BCORL1: variants seen among roughly 807,000 people sequenced by gnomAD.
The protein encoded by BCORL1 is BCL-6 corepressor-like protein 1.
A neutral mutation model predicts 87.6 loss-of-function variants in BCORL1; 7 were observed. That is an observed-to-expected ratio of 0.08 (90% confidence interval 0.05 to 0.15). The LOEUF is 0.15. Among genes scored for constraint, BCORL1 ranks in the 10% least tolerant of loss-of-function variants. The probability of loss-of-function intolerance (pLI) is 1.00; values close to 1 mark genes in which losing one functional copy is unlikely to be tolerated. For missense variants in BCORL1, 1,215 were observed against 1,499.7 expected (o/e 0.81, Z 3.13); for synonymous variants, 591 against 634.4 (o/e 0.93, Z 1.03).
Position 130,012,720 on chromosome X carries a change from T to C in BCORL1, c.177+52T>C, listed in dbSNP as rs776057249. 2.7e-6 allele frequency: 3 copies of C among 1,110,884 alleles called. No individual in the cohort carries two copies. In the South Asian group the frequency reaches 5.7e-5, roughly 21 times the overall value. The allele number at this position is 1,110,884 out of a possible 1,213,427, so 91.5% of individuals were successfully genotyped here. A position where few individuals can be genotyped will look rare whatever the true frequency, so the allele number is the denominator to read the frequency against. ...TGTCCACCAAAGGATGGAGCTGAGC[T>C]GCCTGGGAGGTGTGCCCAGCCTGCC... On this transcript the variant is annotated intron_variant, in intron 3 of 13. Transcript: ENST00000540052.
Position 130,058,032 on chromosome X carries a change from CA to C in BCORL1, c.*1898del, listed in dbSNP as rs1932492193. 1 of 110,841 alleles carries C rather than the reference CA, an allele frequency of 9.0e-6. No individual in the cohort carries two copies. The highest frequency in any genetic ancestry group is 9.6e-5 in the Admixed American group (1 of 10,364). The allele number at this position is 110,841 out of a possible 1,213,427, so 9.1% of individuals were successfully genotyped here. A position where few individuals can be genotyped will look rare whatever the true frequency, so the allele number is the denominator to read the frequency against. ...GCTGCCCTTTATGTTTCATTTTAAGCAACTGGCTGTGGAGTCAAAAACACTT... is the reference window on the plus strand; with the variant it reads ...GCTGCCCTTTATGTTTCATTTTAAGCACTGGCTGTGGAGTCAAAAACACTT... On this transcript the variant is annotated 3_prime_UTR_variant, in exon 14 of 14. Coordinates refer to ENST00000540052, the MANE Select transcript of BCORL1 (RefSeq NM_001379451.1).
chrX:130,026,575 G>C (rs952024815), intron 7 of BCORL1, among the ~76,000 whole-genome samples: 3 of 112,620 alleles, frequency 2.7e-5, no homozygotes, highest in Non-Finnish European at 5.6e-5. Flanking sequence ...ATGGCACCTG[G>C]TTTCCTAGCA....
chrX:130,051,795 G>A (rs151251642), intron 12 of BCORL1, 65 bp from the exon 13 acceptor site: 66 of 1,035,210 alleles, frequency 6.4e-5, no homozygotes, highest in African/African-American at 4.9e-4. Context: ...TCTGCTTAGC[G>A]CATTTCTTTT....
At chrX:130,045,268 A>G (rs1180497295) in intron 11 of BCORL1, among the ~76,000 whole-genome samples, 2 of 112,579 alleles carry the variant, frequency 1.8e-5, no homozygotes, top group Non-Finnish European at 3.8e-5. Flanking sequence ...GAAAGAATGT[A>G]GGGCTTACCC....
At chrX:129,995,825 C>T (rs948099153) in intron 1 of BCORL1, among the ~76,000 whole-genome samples, 4 of 111,850 alleles carry the variant, frequency 3.6e-5, no homozygotes, top group African/African-American at 1.3e-4. Flanking sequence ...ATGTTAGTCT[C>T]CTAACACATT....
At chrX:130,055,125 C>T (rs994025383) in intron 13 of BCORL1, among the ~76,000 whole-genome samples, 8 of 111,323 alleles carry the variant, frequency 7.2e-5, no homozygotes, top group Admixed American at 5.7e-4. Flanking sequence ...CGTTTCTTCC[C>T]GCATTAGTCA....
chrX:129,992,240 A>G (rs1488204026), intron 1 of BCORL1, among the ~76,000 whole-genome samples: 3 of 110,692 alleles, frequency 2.7e-5, no homozygotes, highest in African/African-American at 9.8e-5. Context: ...GTTCAAGACC[A>G]GCCTGGGCAA....
In BCORL1 at chrX:130,046,835, C is replaced by T. The variant is rs755144494; in HGVS notation, c.4841-3882C>T. On this transcript the variant is annotated intron_variant, in intron 11 of 13. Transcript: ENST00000540052. Reference sequence around the variant, plus strand: ...TGCTGGGATTACAGGTGTGAGCCACCGCGCCCAGCCTCCCAAACATTTTCA... The same window carrying T: ...TGCTGGGATTACAGGTGTGAGCCACTGCGCCCAGCCTCCCAAACATTTTCA... Among the ~76,000 whole-genome samples the T allele has an allele frequency of 9.9e-5, 11 of 110,894 alleles. 1 individual carries two copies. The highest frequency in any genetic ancestry group is 2.9e-4 in the African/African-American group (9 of 30,514).
At chrX:130,031,581 T>TGA (rs1435404865) in intron 8 of BCORL1, among the ~76,000 whole-genome samples, 1 of 111,786 alleles carries the variant, frequency 8.9e-6, no homozygotes, top group African/African-American at 3.3e-5. Flanking sequence ...ATCAGGAGTT[T>TGA]GAGACCAGCC....
chrX:130,055,123 C>T (rs756016273), intron 13 of BCORL1, among the ~76,000 whole-genome samples: 5 of 111,433 alleles, frequency 4.5e-5, no homozygotes, highest in Non-Finnish European at 9.4e-5. Flanking sequence ...AGCGTTTCTT[C>T]CCGCATTAGT....
intron 1 of BCORL1, among the ~76,000 whole-genome samples, chrX:129,987,876 C>T (rs763944691): frequency 3.6e-5 from 4 of 111,655 alleles, no homozygotes; most frequent in African/African-American, 6.5e-5. Flanking sequence ...TGAAGAAATT[C>T]GAGGTCAAGT....
Position 129,982,754 on chromosome X carries a change from G to A in BCORL1, c.-53G>A, listed in dbSNP as rs1024073569. 6 of 110,954 alleles carry A rather than the reference G, an allele frequency of 5.4e-5. No homozygotes were observed. Among genetic ancestry groups the A allele is most frequent in the African/African-American group, 1.6e-4 (5 of 30,351 alleles). The allele number at this position is 110,954 out of a possible 1,213,427, so 9.1% of individuals were successfully genotyped here. ...GACCGCCGCCGCCGCCGAGAGAGAG[G>A]AGAAGGAGGTCGGTGGCGATAAGGG... On this transcript the variant is annotated 5_prime_UTR_variant, in exon 1 of 14. Transcript: ENST00000540052.
chrX:130,000,981 C>T (rs988023372), intron 1 of BCORL1, among the ~76,000 whole-genome samples: 2 of 110,273 alleles, frequency 1.8e-5, no homozygotes, highest in Non-Finnish European at 3.8e-5. Flanking sequence ...GCCGTCACTT[C>T]AGTTCTTATC....
At chrX:130,052,475 G>A (rs1474372960) in intron 13 of BCORL1, among the ~76,000 whole-genome samples, 2 of 112,745 alleles carry the variant, frequency 1.8e-5, no homozygotes, top group Non-Finnish European at 3.7e-5. Context: ...TGTTAGTAGC[G>A]TGGTGCTGCC....
At chrX:130,040,987 C>T (rs1931271168) in intron 11 of BCORL1, among the ~76,000 whole-genome samples, 1 of 111,025 alleles carries the variant, frequency 9.0e-6, no homozygotes, top group Non-Finnish European at 1.9e-5. Context: ...CTGTGACCAC[C>T]TTAGTAAACA....
At chrX:130,051,624 G>A (rs1343748834) in intron 12 of BCORL1, among the ~76,000 whole-genome samples, 1 of 112,165 alleles carries the variant, frequency 8.9e-6, no homozygotes, top group Non-Finnish European at 1.9e-5. Context: ...AGGGGGGAGT[G>A]ATATAATAAA....
intron 2 of BCORL1, 105 bp downstream of exon 2, chrX:130,005,422 G>A: frequency 1.4e-6 from 1 of 723,305 alleles, no homozygotes; most frequent in Non-Finnish European, 2.1e-6. Context: ...CCCTGGGGAG[G>A]AGAAGACTCT....
chrX:130,034,228 C>A (rs1233495777), intron 8 of BCORL1, among the ~76,000 whole-genome samples: 2 of 111,934 alleles, frequency 1.8e-5, no homozygotes, highest in African/African-American at 6.5e-5. Flanking sequence ...GCTACAAACT[C>A]ATGGGAACCT....
intron 2 of BCORL1, among the ~76,000 whole-genome samples, 199 bp from the exon 3 acceptor site, chrX:130,012,379 C>A (rs755100854): frequency 4.5e-5 from 5 of 111,456 alleles, no homozygotes; most frequent in Admixed American, 3.8e-4. Flanking sequence ...CTGGTAGGGA[C>A]TTGCAAAGCT....
Sources: allele counts gnomAD v4.1 joint callset (sites outside exome capture counted in the v4.1 genomes callset), GRCh38; gene constraint gnomAD v4.1.1; transcripts MANE v1.5; gene names NCBI Gene and HGNC (gene_info 2026-07-23, HGNC 2026-07-21).